The following GRID1 variants were observed in gnomAD, a reference collection of about 807,000 sequenced individuals.
The protein encoded by GRID1 is glutamate ionotropic receptor delta type subunit 1, also known as glutamate receptor ionotropic, delta-1.
GRID1 carries 28 observed loss-of-function variants against 98.0 expected under a neutral mutation model. The observed-to-expected ratio is 0.29, with a 90% CI of 0.21 to 0.39. The LOEUF is 0.39. Ranked by LOEUF, GRID1 falls within the 10% of genes least tolerant of loss-of-function variation. The pLI is 1.00. For missense variants in GRID1, 1,111 were observed against 1,340.5 expected (o/e 0.83, Z 2.67); for synonymous variants, 553 against 538.5 (o/e 1.03, Z -0.37).
chr10:85,701,827 C>T (rs1320846143), intron 12 of GRID1, among the ~76,000 whole-genome samples: 1 of 151,930 alleles, frequency 6.6e-6, no homozygotes, highest in Non-Finnish European at 1.5e-5. Flanking sequence ...GACTTGGGGG[C>T]AAGGGTGGGA....
At chr10:86,115,711 G>A (rs190257020) in intron 4 of GRID1, among the ~76,000 whole-genome samples, 3 of 152,124 alleles carry the variant, frequency 2.0e-5, no homozygotes, top group African/African-American at 4.8e-5. Context: ...TAAAAGGACC[G>A]ACAGAGCCAG....
At chr10:85,865,926 TATATATATATATATATAC>T (rs922574781) in intron 6 of GRID1, among the ~76,000 whole-genome samples, 6 of 113,436 alleles carry the variant, frequency 5.3e-5, no homozygotes, top group Admixed American at 1.0e-4. Context: ...TATATATATA[TATATATATATATATATAC>T]ACATATATAT....
intron 8 of GRID1, among the ~76,000 whole-genome samples, chr10:85,851,069 T>A (rs764012392): frequency 6.6e-6 from 1 of 152,118 alleles, no homozygotes; most frequent in Non-Finnish European, 1.5e-5. Context: ...GACATTTACA[T>A]GGACACGTTC....
intron 4 of GRID1, among the ~76,000 whole-genome samples, chr10:85,966,473 ACAGAACCCC>A (rs1272037053): frequency 6.6e-6 from 1 of 152,142 alleles, no homozygotes; most frequent in Non-Finnish European, 1.5e-5. Context: ...CATCATACAT[ACAGAACCCC>A]CAGGAAAGGG....
intron 12 of GRID1, among the ~76,000 whole-genome samples, chr10:85,667,455 G>A (rs1329485162): frequency 6.6e-6 from 1 of 152,084 alleles, no homozygotes; most frequent in Non-Finnish European, 1.5e-5. Context: ...CTCTGTGTAG[G>A]GCAGTGTTAT....
At chr10:85,770,563 G>A (rs905889879) in intron 8 of GRID1, among the ~76,000 whole-genome samples, 4 of 152,124 alleles carry the variant, frequency 2.6e-5, no homozygotes, top group Admixed American at 6.5e-5. Flanking sequence ...AGGCAAAGAA[G>A]TTGAAAACTT....
intron 12 of GRID1, among the ~76,000 whole-genome samples, chr10:85,680,045 C>T (rs1841189988): frequency 6.6e-6 from 1 of 152,148 alleles, no homozygotes; most frequent in South Asian, 2.1e-4. Context: ...ATACTAACAA[C>T]CTGCTCCTGC....
At chr10:86,262,065 C>G (rs73351684) in intron 2 of GRID1, among the ~76,000 whole-genome samples, 1,796 of 152,308 alleles carry the variant, frequency 0.012, 39 homozygotes, top group African/African-American at 0.041. Flanking sequence ...CGTAACACAG[C>G]CAGGAGGTGG....
intron 2 of GRID1, among the ~76,000 whole-genome samples, chr10:86,236,686 A>G (rs1589421644): frequency 6.6e-6 from 1 of 152,212 alleles, no homozygotes; most frequent in East Asian, 1.9e-4. Flanking sequence ...CCATTACGGG[A>G]GCACTGAGAA....
chr10:86,225,333 C>T (rs754715868), intron 2 of GRID1, among the ~76,000 whole-genome samples: 1 of 152,206 alleles, frequency 6.6e-6, no homozygotes, highest in Non-Finnish European at 1.5e-5. Context: ...GAGCTCAGCA[C>T]TTTTTTGCCT....
chr10:85,782,664 G>T (rs1013623892), intron 8 of GRID1, among the ~76,000 whole-genome samples: 2 of 152,220 alleles, frequency 1.3e-5, no homozygotes, highest in African/African-American at 4.8e-5. Context: ...AGGGCATTCT[G>T]GGCTGAGGGA....
chr10:85,884,224 G>A (rs1304309726), intron 5 of GRID1, among the ~76,000 whole-genome samples: 2 of 152,014 alleles, frequency 1.3e-5, no homozygotes. Flanking sequence ...TTTTGTGAGT[G>A]TCATTCAGGC....
chr10:86,052,754 C>T (rs1843519812), intron 4 of GRID1, among the ~76,000 whole-genome samples: 1 of 152,078 alleles, frequency 6.6e-6, no homozygotes, highest in South Asian at 2.1e-4. Context: ...GTGCTAGAGG[C>T]AGATAATTGG....
At chr10:85,850,809 T>C (rs541436324) in intron 8 of GRID1, among the ~76,000 whole-genome samples, 1 of 152,356 alleles carries the variant, frequency 6.6e-6, no homozygotes, top group East Asian at 1.9e-4. Context: ...ATATTACCTG[T>C]AACTTTCCTC....
intron 4 of GRID1, among the ~76,000 whole-genome samples, chr10:86,127,865 C>T (rs185519440): frequency 1.3e-5 from 2 of 152,284 alleles, no homozygotes; most frequent in Admixed American, 1.3e-4. Flanking sequence ...TCTACAATCT[C>T]AGCCAAACAC....
At chr10:85,633,801 C>T (rs186603354) in intron 13 of GRID1, among the ~76,000 whole-genome samples, 149 of 152,312 alleles carry the variant, frequency 9.8e-4, no homozygotes, top group Non-Finnish European at 1.8e-3. Flanking sequence ...TAGACTCTCA[C>T]TCCTCACAGC....
At chr10:85,873,066 C>A (rs1421512624) in intron 5 of GRID1, among the ~76,000 whole-genome samples, 1 of 152,182 alleles carries the variant, frequency 6.6e-6, no homozygotes, top group Non-Finnish European at 1.5e-5. Context: ...TGCTCTTGTC[C>A]TGTTGGTCCT....
chr10:86,130,517 A>G (rs1844819254), intron 4 of GRID1, among the ~76,000 whole-genome samples: 2 of 152,216 alleles, frequency 1.3e-5, no homozygotes, highest in South Asian at 4.1e-4. Flanking sequence ...CACAGTAGAG[A>G]AGGAGAGGAG....
chr10:85,631,786 A>C (rs1842978141), intron 13 of GRID1, among the ~76,000 whole-genome samples: 2 of 152,206 alleles, frequency 1.3e-5, no homozygotes. Context: ...AGAAAGAGCA[A>C]ATTGGTGTGC....
Sources: allele counts gnomAD v4.1 joint callset (sites outside exome capture counted in the v4.1 genomes callset), GRCh38; gene constraint gnomAD v4.1.1; transcripts MANE v1.5; gene names NCBI Gene and HGNC (gene_info 2026-07-23, HGNC 2026-07-21).